DNAI4: variants seen among roughly 807,000 people sequenced by gnomAD.
DNAI4 encodes dynein axonemal intermediate chain 4.
In DNAI4, 85 loss-of-function variants were observed where a neutral mutation model predicts 105.8. The ratio of observed to expected loss-of-function variants is 0.80; its 90% confidence interval spans 0.67 to 0.96. The LOEUF (loss-of-function observed/expected upper bound fraction) is 0.96, where lower values mean the gene tolerates loss of function less well. Among genes scored for constraint, DNAI4 ranks in the 40% least tolerant of loss-of-function variants. The pLI is 0.00. For synonymous variants in DNAI4, 352 were observed against 331.5 expected, an observed-to-expected ratio of 1.06 and a Z score of -0.67; for missense variants, 1,014 against 1,005.6, an observed-to-expected ratio of 1.01 and a Z score of -0.11.
At chr1:66,898,737 C>G (rs977463141) in intron 2 of DNAI4, among the ~76,000 whole-genome samples, 1 of 152,194 alleles carries the variant, frequency 6.6e-6, no homozygotes, top group African/African-American at 2.4e-5. Context: ...CTTGAGCATT[C>G]AGTTATACAA....
chr1:66,822,771 G>A (rs1645658784), intron 15 of DNAI4, among the ~76,000 whole-genome samples: 1 of 152,088 alleles, frequency 6.6e-6, no homozygotes, highest in African/African-American at 2.4e-5. Flanking sequence ...TTAAACTTCT[G>A]TGATGGTTAA....
chr1:66,908,656 A>G (rs1649433129), intron 1 of DNAI4, among the ~76,000 whole-genome samples: 1 of 152,206 alleles, frequency 6.6e-6, no homozygotes, highest in Non-Finnish European at 1.5e-5. Context: ...ATAATACACT[A>G]TATTTTAACT....
Position 66,837,435 on chromosome 1 carries a change from G to A in DNAI4, c.1581+275C>T, listed in dbSNP as rs72671668. ...AAGATTCATTTTTTCTTTATAATTA[G>A]CTGTGAAAATCAATAATGGTTCAAC... On this transcript the variant is annotated intron_variant, in intron 10 of 16. Coordinates refer to ENST00000371026, the MANE Select transcript of DNAI4 (RefSeq NM_024763.5). Among the ~76,000 whole-genome samples the A allele has an allele frequency of 2.8e-3, 413 of 148,710 alleles. 1 individual carries two copies. The highest frequency in any genetic ancestry group is 4.6e-3 in the Admixed American group (69 of 14,888).
intron 4 of DNAI4, among the ~76,000 whole-genome samples, chr1:66,888,129 T>A (rs1043633273): frequency 3.9e-5 from 6 of 152,132 alleles, no homozygotes; most frequent in African/African-American, 1.4e-4. Flanking sequence ...AATTGGCAAA[T>A]GCTGCAAATA....
At chr1:66,828,902 T>C (rs948547650) in intron 13 of DNAI4, among the ~76,000 whole-genome samples, 1 of 152,198 alleles carries the variant, frequency 6.6e-6, no homozygotes, top group African/African-American at 2.4e-5. Flanking sequence ...TACTTATTAT[T>C]CTAACACCAT....
Position 66,819,316 on chromosome 1 carries a change from T to A in DNAI4, c.2496+3045A>T, listed in dbSNP as rs559407661. ...AGCATAGCTGAAATTTAATCTCCTT[T>A]GTGAAAACCTTCACAAAAGCATTCT... On this transcript the variant is annotated intron_variant, in intron 16 of 16. Transcript: ENST00000371026. Among the ~76,000 whole-genome samples, 166 of 152,314 alleles carry A rather than the reference T, an allele frequency of 1.1e-3. 2 individuals are homozygous for A. The South Asian group carries it at 0.033, about 30-fold the overall frequency.
intron 16 of DNAI4, among the ~76,000 whole-genome samples, chr1:66,820,276 C>A (rs1211490614): frequency 6.6e-6 from 1 of 151,888 alleles, no homozygotes; most frequent in African/African-American, 2.4e-5. Flanking sequence ...ATATGGAAAA[C>A]AGGTAAGTAA....
Position 66,874,774 on chromosome 1 carries a change from T to C in DNAI4, c.800+7A>G, listed in dbSNP as rs1473867971. On this transcript the variant is annotated splice_region_variant and intron_variant, in intron 5 of 16. Transcript: ENST00000371026. ...AGAAACAATGTAGACAACTGAACCATACATACGTTACTTTCTCAGCTTCTT... is the reference window on the plus strand; with the variant it reads ...AGAAACAATGTAGACAACTGAACCACACATACGTTACTTTCTCAGCTTCTT... 6 of 1,602,648 alleles carry C rather than the reference T, an allele frequency of 3.7e-6. No individual in the cohort carries two copies. Among genetic ancestry groups the C allele is most frequent in the East Asian group, 2.2e-5 (1 of 44,794 alleles).
intron 4 of DNAI4, 97 bp downstream of exon 4, chr1:66,891,057 A>G: frequency 1.0e-6 from 1 of 973,302 alleles, no homozygotes; most frequent in Non-Finnish European, 1.7e-6. Context: ...TTTGGAAATC[A>G]TTACCATATT....
At chr1:66,839,442 T>C (rs1646100900) in intron 9 of DNAI4, among the ~76,000 whole-genome samples, 1 of 152,222 alleles carries the variant, frequency 6.6e-6, no homozygotes, top group South Asian at 2.1e-4. Flanking sequence ...TTTCTGTTTT[T>C]TAATAACTAT....
intron 1 of DNAI4, among the ~76,000 whole-genome samples, chr1:66,920,682 G>A (rs956325715): frequency 2.6e-5 from 4 of 152,150 alleles, no homozygotes. Flanking sequence ...GCCAGCGCCT[G>A]CACACTCCAG....
intron 15 of DNAI4, 108 bp downstream of exon 15, chr1:66,826,712 C>A: frequency 1.1e-6 from 1 of 931,664 alleles, no homozygotes; most frequent in Non-Finnish European, 1.6e-6. Context: ...TAAACTATTA[C>A]TTCTTTTAAA....
intron 9 of DNAI4, among the ~76,000 whole-genome samples, chr1:66,839,017 T>C (rs1646091017): frequency 6.6e-6 from 1 of 152,240 alleles, no homozygotes; most frequent in African/African-American, 2.4e-5. Flanking sequence ...TGTAATATGT[T>C]TGTATTTAGG....
chr1:66,886,190 T>C (rs1647195570), intron 4 of DNAI4, among the ~76,000 whole-genome samples: 1 of 152,182 alleles, frequency 6.6e-6, no homozygotes, highest in African/African-American at 2.4e-5. Flanking sequence ...TCATTTTGAG[T>C]CTTTCGTATA....
intron 4 of DNAI4, among the ~76,000 whole-genome samples, chr1:66,878,992 G>C (rs1647012617): frequency 6.6e-6 from 1 of 152,034 alleles, no homozygotes; most frequent in South Asian, 2.1e-4. Flanking sequence ...GTTACAGTCT[G>C]TATTCCATTG....
rs140457996 is a variant in DNAI4, at chr1:66,829,443, T to C, written c.2014-1533A>G. On this transcript the variant is annotated intron_variant, in intron 13 of 16. Coordinates refer to ENST00000371026, the MANE Select transcript of DNAI4 (RefSeq NM_024763.5). ...ATACTAATATCATGCTAAGTAGATT[T>C]CAGAGTAAAAAAAATCACAAGTTAT... Among the ~76,000 whole-genome samples, 36 of 151,956 alleles carry C rather than the reference T, an allele frequency of 2.4e-4. 1 individual carries two copies. The East Asian group carries it at 5.2e-3, about 22-fold the overall frequency.
At chr1:66,818,321 A>T (rs971712041) in intron 16 of DNAI4, among the ~76,000 whole-genome samples, 2 of 152,006 alleles carry the variant, frequency 1.3e-5, no homozygotes, top group Non-Finnish European at 2.9e-5. Flanking sequence ...GAATTCCTTA[A>T]GTATCTGAGA....
chr1:66,853,556 C>G (rs1363185774), intron 7 of DNAI4, among the ~76,000 whole-genome samples: 1 of 152,170 alleles, frequency 6.6e-6, no homozygotes, highest in Non-Finnish European at 1.5e-5. Context: ...CTATGTTAAA[C>G]AAATTTCCAA....
chr1:66,909,285 T>TACACACACACACACACACAC (rs71058481), intron 1 of DNAI4, among the ~76,000 whole-genome samples: 3,631 of 134,458 alleles, frequency 0.027, 103 homozygotes, highest in Middle Eastern at 0.044. Flanking sequence ...CACCTCTCTC[T>TACACACACACACACACACAC]ACACACACAC....
Sources: gnomAD v4.1 joint callset for allele counts (sites outside exome capture counted in the v4.1 genomes callset) on GRCh38, gnomAD v4.1.1 for gene constraint, MANE v1.5 for transcripts, NCBI Gene and HGNC (gene_info 2026-07-23, HGNC 2026-07-21) for gene names.